NAALADL2: variants seen among roughly 807,000 people sequenced by gnomAD.
NAALADL2 encodes N-acetylated alpha-linked acidic dipeptidase like 2.
NAALADL2 carries 76 observed loss-of-function variants against 87.2 expected under a neutral mutation model. The ratio of observed to expected loss-of-function variants is 0.87; its 90% confidence interval spans 0.72 to 1.05. The LOEUF (loss-of-function observed/expected upper bound fraction) is 1.05, where lower values mean the gene tolerates loss of function less well. NAALADL2 is among the 50% of genes least tolerant of loss of function. The pLI, the probability that NAALADL2 is intolerant of heterozygous loss-of-function variation, is 0.00. For synonymous variants in NAALADL2, 354 were observed against 331.0 expected, an observed-to-expected ratio of 1.07 and a Z score of -0.75; for missense variants, 1,089 against 945.8, an observed-to-expected ratio of 1.15 and a Z score of -1.99.
chr3:175,252,738 A>T (rs773633204), intron 3 of NAALADL2, among the ~76,000 whole-genome samples: 3 of 152,218 alleles, frequency 2.0e-5, no homozygotes, highest in Non-Finnish European at 4.4e-5. Flanking sequence ...AAGCAATTAA[A>T]ATGCTACTCT....
chr3:174,557,710 G>C (rs1203730776), intron 2 of NAALADL2, among the ~76,000 whole-genome samples: 1 of 149,308 alleles, frequency 6.7e-6, no homozygotes, highest in South Asian at 2.1e-4. Context: ...GTTTTTTTTT[G>C]TTCTTCTTTA....
At chr3:175,268,126 G>T (rs1218628695) in intron 4 of NAALADL2, among the ~76,000 whole-genome samples, 2 of 152,132 alleles carry the variant, frequency 1.3e-5, no homozygotes, top group East Asian at 3.9e-4. Flanking sequence ...CGTTGTTGTT[G>T]TTGGTGTTGT....
At chr3:175,408,346 A>G (rs973709338) in intron 5 of NAALADL2, among the ~76,000 whole-genome samples, 1 of 152,124 alleles carries the variant, frequency 6.6e-6, no homozygotes, top group African/African-American at 2.4e-5. Flanking sequence ...TAATTCTTCT[A>G]CAATGCACAA....
Position 175,138,887 on chromosome 3 carries a change from AATATATATAT to A in NAALADL2, c.545+41625_545+41634del, listed in dbSNP as rs58824117. ...CAGAAAAAAAATTTCAGCCTTTTAA[AATATATATAT>A]ATATATATATATATATATATATATA... On this transcript the variant is annotated intron_variant, in intron 2 of 13. Coordinates refer to ENST00000454872, the MANE Select transcript of NAALADL2 (RefSeq NM_207015.3). Among the ~76,000 whole-genome samples, 352 of 95,434 alleles carry A rather than the reference AATATATATAT, an allele frequency of 3.7e-3. 5 individuals are homozygous for A. The highest frequency in any genetic ancestry group is 0.018 in the African/African-American group (326 of 18,346). The allele number at this position is 95,434 out of a possible 152,430, so 62.6% of individuals were successfully genotyped here.
At chr3:175,078,451 C>T (rs1717067410) in intron 1 of NAALADL2, among the ~76,000 whole-genome samples, 1 of 152,124 alleles carries the variant, frequency 6.6e-6, no homozygotes, top group Admixed American at 6.5e-5. Flanking sequence ...ATAAAATTCA[C>T]TCATATGAAG....
At chr3:175,652,610 C>G (rs1355722014) in intron 11 of NAALADL2, among the ~76,000 whole-genome samples, 4 of 151,402 alleles carry the variant, frequency 2.6e-5, no homozygotes. Flanking sequence ...TCCCGAGTAG[C>G]TGGGACTACA....
intron 2 of NAALADL2, among the ~76,000 whole-genome samples, chr3:175,108,997 C>A (rs913850059): frequency 5.9e-5 from 9 of 151,820 alleles, no homozygotes; most frequent in African/African-American, 2.2e-4. Flanking sequence ...CTGGGTATAA[C>A]ATGTGGTCCA....
At chr3:175,415,977 G>C (rs1490842203) in intron 5 of NAALADL2, among the ~76,000 whole-genome samples, 1 of 140,214 alleles carries the variant, frequency 7.1e-6, no homozygotes, top group Admixed American at 7.0e-5. Flanking sequence ...AAAAAAATTA[G>C]CAGGGCATGA....
At chr3:175,064,876 A>G (rs1426181290) in intron 1 of NAALADL2, among the ~76,000 whole-genome samples, 1 of 152,178 alleles carries the variant, frequency 6.6e-6, no homozygotes, top group African/African-American at 2.4e-5. Context: ...TCAAAACTCC[A>G]ACTAAACTGG....
intron 3 of NAALADL2, among the ~76,000 whole-genome samples, chr3:174,766,761 A>T (rs1409301360): frequency 2.0e-5 from 3 of 152,176 alleles, no homozygotes; most frequent in Non-Finnish European, 4.4e-5. Flanking sequence ...TGGAGCAGGC[A>T]TTATTCTAGG....
At chr3:175,277,645 A>AT (rs1355214536) in intron 4 of NAALADL2, among the ~76,000 whole-genome samples, 3 of 152,114 alleles carry the variant, frequency 2.0e-5, no homozygotes, top group Admixed American at 1.3e-4. Flanking sequence ...TCTTCAATGG[A>AT]TTTTTTTCAT....
intron 10 of NAALADL2, among the ~76,000 whole-genome samples, chr3:175,623,868 C>T (rs867638282): frequency 7.4e-5 from 11 of 149,174 alleles, no homozygotes; most frequent in Non-Finnish European, 1.0e-4. Flanking sequence ...TGTTTCTTGG[C>T]GTTTTTTTGT....
chr3:174,574,762 A>G (rs1433679669), intron 2 of NAALADL2, among the ~76,000 whole-genome samples: 1 of 152,142 alleles, frequency 6.6e-6, no homozygotes, highest in African/African-American at 2.4e-5. Context: ...CTAGAATTCA[A>G]ATAAATAGAA....
intron 1 of NAALADL2, among the ~76,000 whole-genome samples, chr3:174,526,242 C>A (rs1469594569): frequency 6.6e-6 from 1 of 152,132 alleles, no homozygotes; most frequent in African/African-American, 2.4e-5. Flanking sequence ...TAGTGTAGGG[C>A]ATACTGGCAA....
intron 3 of NAALADL2, among the ~76,000 whole-genome samples, chr3:174,804,280 TG>T (rs1280538992): frequency 6.6e-6 from 1 of 152,162 alleles, no homozygotes; most frequent in Non-Finnish European, 1.5e-5. Flanking sequence ...TGTCTATTGT[TG>T]TATAGGAATG....
chr3:174,744,718 T>C (rs1233210858), intron 3 of NAALADL2, among the ~76,000 whole-genome samples: 1 of 152,058 alleles, frequency 6.6e-6, no homozygotes, highest in African/African-American at 2.4e-5. Context: ...CCTCAGCAAA[T>C]GCAAAAGAAC....
In NAALADL2 at chr3:175,678,142, C is replaced by T. The variant is rs577224572; in HGVS notation, c.1896+50756C>T. ...TTAAGTTTTCTTTTTTGTTCTGTCT[C>T]TTAAAAATGTATATTTTATCATTGA... On this transcript the variant is annotated intron_variant, in intron 11 of 13. Coordinates refer to ENST00000454872, the MANE Select transcript of NAALADL2 (RefSeq NM_207015.3). Among the ~76,000 whole-genome samples, 12 of 152,220 alleles carry T rather than the reference C, an allele frequency of 7.9e-5. No individual in the cohort carries two copies. The South Asian group carries it at 2.3e-3, about 29-fold the overall frequency.
chr3:174,988,051 G>T (rs1051355585), intron 1 of NAALADL2, among the ~76,000 whole-genome samples: 4 of 151,882 alleles, frequency 2.6e-5, no homozygotes, highest in Non-Finnish European at 5.9e-5. Context: ...ACAAAATATG[G>T]TAGTATCAGT....
intron 3 of NAALADL2, among the ~76,000 whole-genome samples, chr3:174,800,517 T>A (rs1043844390): frequency 6.6e-6 from 1 of 152,060 alleles, no homozygotes; most frequent in Admixed American, 6.6e-5. Context: ...AAAAGTTTGG[T>A]ATAGAGGTGG....
Sources: gnomAD v4.1 joint callset for allele counts (sites outside exome capture counted in the v4.1 genomes callset) on GRCh38, gnomAD v4.1.1 for gene constraint, MANE v1.5 for transcripts, NCBI Gene and HGNC (gene_info 2026-07-23, HGNC 2026-07-21) for gene names.